PCYT1B: variants seen among roughly 807,000 people sequenced by gnomAD.
PCYT1B encodes the protein choline-phosphate cytidylyltransferase B.
Under a neutral mutation model 26.4 loss-of-function variants are expected in PCYT1B, and 10 were observed. The observed-to-expected ratio is 0.38, with a 90% CI of 0.23 to 0.64. The LOEUF (loss-of-function observed/expected upper bound fraction) is 0.64, where lower values mean the gene tolerates loss of function less well. Ranked by LOEUF, PCYT1B falls within the 30% of genes least tolerant of loss-of-function variation. The pLI is 0.56. For missense variants in PCYT1B, 161 were observed against 292.7 expected, an observed-to-expected ratio of 0.55 and a Z score of 3.28; for synonymous variants, 131 against 108.4, an observed-to-expected ratio of 1.21 and a Z score of -1.29.
intron 3 of PCYT1B, among the ~76,000 whole-genome samples, chrX:24,594,866 G>A (rs950311747): frequency 1.6e-4 from 18 of 111,091 alleles, no homozygotes; most frequent in African/African-American, 5.9e-4. Flanking sequence ...ATACAACATA[G>A]GAATTGAGCT....
At chrX:24,582,211 C>A (rs772438461) in intron 5 of PCYT1B, among the ~76,000 whole-genome samples, 25 of 112,325 alleles carry the variant, frequency 2.2e-4, no homozygotes, top group Non-Finnish European at 3.9e-4. Context: ...ATATTTTACC[C>A]ACACCCCTCC....
At chrX:24,597,200 C>G (rs1489195302) in intron 3 of PCYT1B, among the ~76,000 whole-genome samples, 3 of 108,478 alleles carry the variant, frequency 2.8e-5, no homozygotes, top group African/African-American at 1.0e-4. Flanking sequence ...TCTCGGCTCA[C>G]TGCAACCTCC....
intron 3 of PCYT1B, among the ~76,000 whole-genome samples, chrX:24,593,016 C>T (rs997497918): frequency 8.1e-5 from 9 of 111,519 alleles, no homozygotes; most frequent in Admixed American, 1.9e-4. Context: ...CGGGTTCAAG[C>T]GATTCTCCTG....
intron 1 of PCYT1B, among the ~76,000 whole-genome samples, chrX:24,663,994 G>C (rs974827225): frequency 9.0e-6 from 1 of 111,146 alleles, no homozygotes. Flanking sequence ...GAATGAGAAG[G>C]AATGTATATG....
chrX:24,601,005 T>C (rs1924941748), intron 3 of PCYT1B, among the ~76,000 whole-genome samples: 1 of 110,847 alleles, frequency 9.0e-6, no homozygotes, highest in African/African-American at 3.3e-5. Context: ...CCAAACTATA[T>C]GTAAATGTAA....
chrX:24,625,917 C>T (rs1352141941), intron 1 of PCYT1B, among the ~76,000 whole-genome samples: 3 of 107,835 alleles, frequency 2.8e-5, no homozygotes, highest in Non-Finnish European at 5.7e-5. Flanking sequence ...AGTTCAAGAC[C>T]AGCCTGGCCA....
chrX:24,660,055 G>C (rs776884337), intron 1 of PCYT1B, among the ~76,000 whole-genome samples: 1 of 111,280 alleles, frequency 9.0e-6, no homozygotes, highest in East Asian at 2.8e-4. Flanking sequence ...AAACACTGAG[G>C]GCTGATTCCT....
At chrX:24,608,921 A>G (rs1439612222) in intron 2 of PCYT1B, among the ~76,000 whole-genome samples, 1 of 112,031 alleles carries the variant, frequency 8.9e-6, no homozygotes, top group Non-Finnish European at 1.9e-5. Context: ...ATTTATATAG[A>G]AAATTCTATG....
chrX:24,583,055 T>C (rs1346683423), intron 5 of PCYT1B, among the ~76,000 whole-genome samples: 1 of 112,063 alleles, frequency 8.9e-6, no homozygotes, highest in Non-Finnish European at 1.9e-5. Context: ...GGAAAGGGCA[T>C]TGTGGTGCAT....
chrX:24,651,463 AAAAAAAAAAATATATATAT>A (rs1284777073), upstream of PCYT1B, among the ~76,000 whole-genome samples: 72 of 27,933 alleles, frequency 2.6e-3, 1 homozygote, highest in African/African-American at 8.4e-3. Context: ...TCAAAAAAAA[AAAAAAAAAAATATATATAT>A]ATATATATAT....
upstream of PCYT1B, among the ~76,000 whole-genome samples, chrX:24,652,166 G>T (rs1270534775): frequency 1.8e-5 from 2 of 112,307 alleles, no homozygotes; most frequent in East Asian, 5.6e-4. Context: ...TCCCTAACAA[G>T]GACTATCATG....
chrX:24,610,555 T>G (rs967087012), intron 2 of PCYT1B, among the ~76,000 whole-genome samples: 1 of 112,059 alleles, frequency 8.9e-6, no homozygotes, highest in Non-Finnish European at 1.9e-5. Context: ...GGAAAGCAGA[T>G]GGCAGTTTTG....
intron 2 of PCYT1B, among the ~76,000 whole-genome samples, chrX:24,613,950 C>CAAAAA (rs200062439): frequency 1.4e-3 from 108 of 77,151 alleles, no homozygotes; most frequent in African/African-American, 1.7e-3. Flanking sequence ...AACAACCTGT[C>CAAAAA]AAAAAAAAAA....
intron 1 of PCYT1B, among the ~76,000 whole-genome samples, chrX:24,644,884 A>G (rs1926574682): frequency 9.0e-6 from 1 of 110,968 alleles, no homozygotes; most frequent in Non-Finnish European, 1.9e-5. Flanking sequence ...ACATGGCAAA[A>G]CCCCGTCTCT....
chrX:24,595,561 T>G (rs1204490112), intron 3 of PCYT1B, among the ~76,000 whole-genome samples: 1 of 110,949 alleles, frequency 9.0e-6, no homozygotes, highest in Non-Finnish European at 1.9e-5. Context: ...TGTTTGACTC[T>G]GGGGAGGTAA....
exon 1 of PCYT1B, chrX:24,672,570 C>G: frequency 8.3e-7 from 1 of 1,200,272 alleles, no homozygotes; most frequent in Non-Finnish European, 1.1e-6. Flanking sequence ...TTCACATTAC[C>G]TTGCGCCACA....
At chrX:24,602,236 C>T (rs1924991233) in intron 3 of PCYT1B, among the ~76,000 whole-genome samples, 1 of 111,521 alleles carries the variant, frequency 9.0e-6, no homozygotes, top group Non-Finnish European at 1.9e-5. Context: ...GTAAAAGAAG[C>T]CAATCTGAAA....
chrX:24,668,326 A>G (rs1184566404), intron 1 of PCYT1B, among the ~76,000 whole-genome samples: 1 of 111,952 alleles, frequency 8.9e-6, no homozygotes, highest in Non-Finnish European at 1.9e-5. Flanking sequence ...CCTGGGAATC[A>G]TCTCTTTCTC....
rs774390556 is a variant in PCYT1B, at chrX:24,567,137, A to G, written c.898-4632T>C. On this transcript the variant is annotated intron_variant, in intron 7 of 7. Coordinates refer to ENST00000379144, the MANE Select transcript of PCYT1B (RefSeq NM_004845.5). ...TTTAAGTATATTTTCTGTGGCAGCC[A>G]TTAGCCCTCCTGCTGTTAATGGATT... Among the ~76,000 whole-genome samples, 3 of 112,450 alleles carry G rather than the reference A, an allele frequency of 2.7e-5. No homozygotes were observed. The East Asian group carries it at 8.3e-4, about 31-fold the overall frequency.
Sources: allele counts gnomAD v4.1 joint callset (sites outside exome capture counted in the v4.1 genomes callset), GRCh38; gene constraint gnomAD v4.1.1; transcripts MANE v1.5; gene names NCBI Gene and HGNC (gene_info 2026-07-23, HGNC 2026-07-21).